Variants in LSM5 observed in about 807,000 individuals in gnomAD.
The protein encoded by LSM5 is LSM5 homolog, U6 small nuclear RNA and mRNA degradation associated.
A neutral mutation model predicts 13.8 loss-of-function variants in LSM5; 8 were observed. The ratio of observed to expected loss-of-function variants is 0.58; its 90% CI spans 0.34 to 1.04. The LOEUF (loss-of-function observed/expected upper bound fraction) is 1.04, where lower values mean the gene tolerates loss of function less well. Among genes scored for constraint, LSM5 ranks in the 50% least tolerant of loss-of-function variants. LSM5 has a pLI of 0.03. For synonymous variants in LSM5, 35 were observed against 37.0 expected (o/e 0.95, Z 0.20); for missense variants, 80 against 108.1 (o/e 0.74, Z 1.15).
At position 32,487,701 on chromosome 7, in the gene LSM5, C is replaced by A; in HGVS notation, c.227G>T (p.Gly76Val). Residue 76 changes from glycine to valine, a missense_variant, in exon 4 of 5, where the codon GGA (glycine) becomes GTA (valine). Physicochemically the swap from Gly to Val is moderately radical, Grantham distance 109. Coordinates refer to ENST00000450169, the MANE Select transcript of LSM5 (RefSeq NM_012322.3). ...GTGTCTTACCATTGTTATATTATTT[C>A]CATTTAGCAAAATCTGATCTAATTT... ...ITKLDQILLN[G>V]NNITMLVPGG... The A allele has an allele frequency of 1.3e-6, 2 of 1,522,482 alleles. No homozygotes were observed. The highest frequency in any genetic ancestry group is 1.8e-6 in the Non-Finnish European group (2 of 1,097,488). 94.3% of individuals were successfully genotyped at this position (1,522,482 alleles called of 1,614,324 possible). A position where few individuals can be genotyped will look rare whatever the true frequency, so the allele number is the denominator to read the frequency against.
intron 3 of LSM5, 97 bp from the exon 4 acceptor site, chr7:32,487,854 A>G: frequency 2.9e-6 from 2 of 678,032 alleles, no homozygotes; most frequent in Admixed American, 2.2e-5. Flanking sequence ...ATCCTTGTAT[A>G]CAAATTACAC....
intron 4 of LSM5, 128 bp from the exon 5 acceptor site, chr7:32,487,421 G>A: frequency 1.3e-6 from 1 of 744,322 alleles, no homozygotes; most frequent in Non-Finnish European, 2.3e-6. Context: ...CAGATTGTCA[G>A]TATCTATTTA....
chr7:32,489,504 C>A, intron 1 of LSM5, 160 bp from the exon 2 acceptor site: 2 of 584,748 alleles, frequency 3.4e-6, no homozygotes, highest in South Asian at 2.1e-5. Context: ...AGCACAGCAT[C>A]TGGCACATAA....
At chr7:32,494,897 A>T (rs1786702844), upstream of LSM5, 1 of 152,198 alleles carries the variant, frequency 6.6e-6, no homozygotes, top group East Asian at 1.9e-4. Flanking sequence ...CCTACACATA[A>T]TATTTAAACG....
Position 32,485,429 on chromosome 7 carries a change from C to T in LSM5, c.*1832G>A, listed in dbSNP as rs1325954168. On this transcript the variant is annotated 3_prime_UTR_variant, in exon 5 of 5. Coordinates refer to ENST00000450169, the MANE Select transcript of LSM5 (RefSeq NM_012322.3). ...AATGGACTAGGTCAACATGCAACTA[C>T]ATTAAAATACATCATTTATGTCAAA... The T allele has an allele frequency of 6.6e-6, 1 of 152,176 alleles. No individual in the cohort carries two copies. Among genetic ancestry groups the T allele is most frequent in the African/African-American group, 2.4e-5 (1 of 41,452 alleles). The allele number at this position is 152,176 out of a possible 1,614,324, so 9.4% of individuals were successfully genotyped here.
chr7:32,491,672 C>T (rs3763441), upstream of LSM5, among the ~76,000 whole-genome samples: 119,469 of 152,208 alleles, frequency 0.78, 47,218 homozygotes, highest in East Asian at 0.83. Context: ...ATGGGGACAA[C>T]AGTATCTACT....
At chr7:32,489,632 T>G (rs1343697650) in intron 1 of LSM5, 1 of 342,818 alleles carries the variant, frequency 2.9e-6, no homozygotes, top group Admixed American at 4.9e-5. Flanking sequence ...TAGGTATAAT[T>G]ATATTCACCG....
upstream of LSM5, among the ~76,000 whole-genome samples, chr7:32,494,174 T>A (rs1234001085): frequency 1.3e-5 from 2 of 152,244 alleles, no homozygotes; most frequent in Non-Finnish European, 2.9e-5. Context: ...TAGACAGTAA[T>A]TTTAGCCATG....
At chr7:32,489,031 T>C (rs1689955062) in intron 2 of LSM5, among the ~76,000 whole-genome samples, 1 of 152,208 alleles carries the variant, frequency 6.6e-6, no homozygotes, top group Non-Finnish European at 1.5e-5. Flanking sequence ...GCCTGTTCAG[T>C]TTTAATTACA....
chr7:32,491,998 C>T (rs1786605783), upstream of LSM5, among the ~76,000 whole-genome samples: 1 of 152,106 alleles, frequency 6.6e-6, no homozygotes, highest in African/African-American at 2.4e-5. Context: ...TCATTCACAC[C>T]CATCAACATT....
chr7:32,492,814 T>C (rs1469777170), upstream of LSM5, among the ~76,000 whole-genome samples: 3 of 152,232 alleles, frequency 2.0e-5, no homozygotes, highest in African/African-American at 7.2e-5. Flanking sequence ...GTAGAAGACG[T>C]AAAATAGAAT....
Position 32,489,293 on chromosome 7 carries a change from T to C in LSM5, c.98A>G (p.Asp33Gly). 1 of 1,609,184 alleles carries C rather than the reference T, an allele frequency of 6.2e-7. No homozygotes were observed. Among genetic ancestry groups the C allele is most frequent in the East Asian group, 2.2e-5 (1 of 44,818 alleles). The change falls in exon 2 of 5, where the codon GAT (aspartate) becomes GGT (glycine). Residue 33 changes from aspartate (D) to glycine (G), a missense_variant. Asp to Gly is a moderately conservative substitution (Grantham distance 94). Coordinates refer to ENST00000450169, the MANE Select transcript of LSM5 (RefSeq NM_012322.3). ...TAGAAGAGTACCAACAATTTCCTTA[T>C]CACTCTTCATCACGATGTGAATTCT... ...GSRIHIVMKS[D>G]KEIVGTLLGF...
chr7:32,492,385 T>TGG (rs1470329800), upstream of LSM5, among the ~76,000 whole-genome samples: 2 of 152,090 alleles, frequency 1.3e-5, no homozygotes, highest in Admixed American at 6.5e-5. Flanking sequence ...TAGCTAGGTG[T>TGG]GGTGGCACAC....
At chr7:32,494,854 A>G (rs1387129519), upstream of LSM5, 1 of 152,196 alleles carries the variant, frequency 6.6e-6, no homozygotes, top group East Asian at 1.9e-4. Context: ...TGTCAAGGAT[A>G]TTCTGTTTCA....
upstream of LSM5, among the ~76,000 whole-genome samples, chr7:32,493,075 G>A (rs1562740311): frequency 1.3e-5 from 2 of 152,194 alleles, no homozygotes; most frequent in South Asian, 2.1e-4. Flanking sequence ...GGCTGAGGCA[G>A]GAGGATCCCT....
chr7:32,492,667 T>G (rs902124717), upstream of LSM5, among the ~76,000 whole-genome samples: 4 of 151,826 alleles, frequency 2.6e-5, no homozygotes, highest in East Asian at 7.7e-4. Context: ...TTTCAGGGAG[T>G]GGTATTTTTA....
At chr7:32,488,598 TCCC>T (rs761841168) in intron 3 of LSM5, 24 bp downstream of exon 3, 1 of 1,514,970 alleles carries the variant, frequency 6.6e-7, no homozygotes, top group Non-Finnish European at 9.2e-7. Context: ...AAGAAGAGAT[TCCC>T]CCCAATTCTT....
At chr7:32,488,387 G>T in intron 3 of LSM5, 1 of 416,800 alleles carries the variant, frequency 2.4e-6, no homozygotes. Flanking sequence ...AAAATTCCTG[G>T]CTCTTTTTGT....
chr7:32,495,155 A>G (rs1786714124), upstream of LSM5: 1 of 152,528 alleles, frequency 6.6e-6, no homozygotes, highest in South Asian at 2.1e-4. Flanking sequence ...CTTTGAGGAA[A>G]AAGAGAAGGC....
Sources: gnomAD v4.1 joint callset for allele counts (sites outside exome capture counted in the v4.1 genomes callset) on GRCh38, gnomAD v4.1.1 for gene constraint, MANE v1.5 for transcripts, NCBI Gene and HGNC (gene_info 2026-07-23, HGNC 2026-07-21) for gene names.